Variants in CEACAM19 observed in about 807,000 individuals in gnomAD.
CEACAM19 encodes cell adhesion molecule CEACAM19.
A neutral mutation model predicts 37.6 loss-of-function variants in CEACAM19; 37 were observed. That is an observed-to-expected ratio of 0.98 (90% CI 0.76 to 1.29). The LOEUF (loss-of-function observed/expected upper bound fraction) is 1.29, where lower values mean the gene tolerates loss of function less well. Ranked by LOEUF, CEACAM19 falls within the 50% of genes most tolerant of loss-of-function variation. CEACAM19 has a pLI of 0.00. For missense variants in CEACAM19, 340 were observed against 375.6 expected, an observed-to-expected ratio of 0.91 and a Z score of 0.78; for synonymous variants, 140 against 149.8, an observed-to-expected ratio of 0.93 and a Z score of 0.48.
intron 3 of CEACAM19, 82 bp from the exon 4 acceptor site, chr19:44,678,771 C>A: frequency 1.3e-6 from 2 of 1,556,904 alleles, no homozygotes; most frequent in Non-Finnish European, 8.7e-7. Flanking sequence ...CTCCATTTTC[C>A]TTCATAGGGA....
chr19:44,672,673 A>G lies in CEACAM19; in HGVS notation c.133A>G (p.Lys45Glu). 6.5e-7 allele frequency: 1 copy of G among 1,540,872 alleles called. No homozygotes were observed. Among genetic ancestry groups the G allele is most frequent in the Non-Finnish European group, 8.8e-7 (1 of 1,142,480 alleles). ...CCAGAAGATTCCAGAGCAGCCTCAA[A>G]AGAACCAGGACCTTCTCCTGTCAGT... Reference protein sequence around the residue: ...YIQKIPEQPQKNQDLLLSVQG... With the variant: ...YIQKIPEQPQENQDLLLSVQG... Residue 45 changes from lysine (K) to glutamate (E), a missense_variant, in exon 2 of 8, where the codon AAG becomes GAG. Transcript: ENST00000358777.
rs766167174 is a variant in CEACAM19, at chr19:44,682,549, C to G, written c.793-18C>G. On this transcript the variant is annotated intron_variant, in intron 6 of 7. Coordinates refer to ENST00000358777, the MANE Select transcript of CEACAM19 (RefSeq NM_001127893.3). Reference sequence around the variant, plus strand: ...GGGGGGTGCCGAGCGCCCACTCACCCGTGTCCTTCCCTTGCAGCCCCTGCC... The same window carrying G: ...GGGGGGTGCCGAGCGCCCACTCACCGGTGTCCTTCCCTTGCAGCCCCTGCC... 1.9e-6 allele frequency: 3 copies of G among 1,590,216 alleles called. No individual in the cohort carries two copies. The highest frequency in any genetic ancestry group is 2.6e-6 in the Non-Finnish European group (3 of 1,168,296).
intron 2 of CEACAM19, among the ~76,000 whole-genome samples, chr19:44,674,682 C>T (rs775572798): frequency 1.3e-5 from 2 of 152,168 alleles, no homozygotes; most frequent in Non-Finnish European, 2.9e-5. Flanking sequence ...GGATTACAGG[C>T]GTGAGCCACC....
intron 6 of CEACAM19, among the ~76,000 whole-genome samples, chr19:44,682,144 G>A (rs759810314): frequency 6.6e-6 from 1 of 152,186 alleles, no homozygotes; most frequent in Non-Finnish European, 1.5e-5. Flanking sequence ...CAGCTACCAG[G>A]GAGGCTGAGG....
intron 1 of CEACAM19, 47 bp downstream of exon 1, chr19:44,672,033 C>T: frequency 1.3e-6 from 2 of 1,484,094 alleles, no homozygotes; most frequent in Middle Eastern, 2.0e-4. Context: ...AATGGGGACT[C>T]AGCCCAGAGA....
chr19:44,675,276 G>A (rs1385057213), intron 2 of CEACAM19, among the ~76,000 whole-genome samples: 1 of 152,144 alleles, frequency 6.6e-6, no homozygotes, highest in Admixed American at 6.5e-5. Flanking sequence ...CATAGTCTAT[G>A]AGCTTAGCTG....
chr19:44,668,358 TATA>T (rs1440807170), upstream of CEACAM19, among the ~76,000 whole-genome samples: 1 of 12,642 alleles, frequency 7.9e-5, no homozygotes, highest in African/African-American at 1.5e-4. Context: ...AATATATTTA[TATA>T]ATATGTTTAT....
chr19:44,675,403 A>G (rs1973929987), intron 2 of CEACAM19, among the ~76,000 whole-genome samples: 1 of 152,004 alleles, frequency 6.6e-6, no homozygotes, highest in Non-Finnish European at 1.5e-5. Context: ...AGAATCCTCC[A>G]AGTCCCCTAC....
At chr19:44,672,301 G>C (rs1028903293) in intron 1 of CEACAM19, among the ~76,000 whole-genome samples, 1 of 152,084 alleles carries the variant, frequency 6.6e-6, no homozygotes, top group African/African-American at 2.4e-5. Flanking sequence ...TATAAGTATT[G>C]GTTGAATAAA....
At chr19:44,674,856 T>G (rs1349320194) in intron 2 of CEACAM19, among the ~76,000 whole-genome samples, 4 of 152,232 alleles carry the variant, frequency 2.6e-5, no homozygotes, top group African/African-American at 9.6e-5. Flanking sequence ...ATAACAGTCC[T>G]TACTTCACTT....
At chr19:44,667,728 AT>A (rs1164271538), upstream of CEACAM19, among the ~76,000 whole-genome samples, 3 of 73,212 alleles carry the variant, frequency 4.1e-5, no homozygotes, top group African/African-American at 6.9e-5. Context: ...TAAATTATAT[AT>A]TTATATATAT....
At chr19:44,674,398 G>C (rs971315866) in intron 2 of CEACAM19, among the ~76,000 whole-genome samples, 2 of 151,530 alleles carry the variant, frequency 1.3e-5, no homozygotes, top group Admixed American at 1.3e-4. Flanking sequence ...TCAAACTCCT[G>C]GCCTCAAGCA....
chr19:44,668,115 ATAT>A (rs1456270834), upstream of CEACAM19, among the ~76,000 whole-genome samples: 1,060 of 83,476 alleles, frequency 0.013, 12 homozygotes, highest in Non-Finnish European at 0.017. Flanking sequence ...ATTTTATATA[ATAT>A]GTTATATATT....
chr19:44,680,313 T>C lies in CEACAM19; in HGVS notation c.685T>C (p.Leu229=). 1 of 1,610,796 alleles carries C rather than the reference T, an allele frequency of 6.2e-7. No homozygotes were observed. The highest frequency in any genetic ancestry group is 8.5e-7 in the Non-Finnish European group (1 of 1,179,460). ...TWMATTEKPE[L]GPAHDAGDNN... is the part of the protein sequence containing the mutation. The stretch of plus-strand genomic sequence containing the variant: ...GATGGCGACCACAGAGAAGCCAGAA[T>C]TGGGCCCTGCTCATGATGCTGGTAA... The change falls in exon 5 of 8, where the codon TTG becomes CTG. Residue 229 remains leucine (L), a synonymous_variant. Transcript: ENST00000358777.
At chr19:44,670,951 C>T (rs1204760261), upstream of CEACAM19, among the ~76,000 whole-genome samples, 6 of 151,928 alleles carry the variant, frequency 3.9e-5, no homozygotes, top group East Asian at 5.9e-4. Flanking sequence ...CAAAAGTAGC[C>T]GGGCGTGGTG....
chr19:44,679,048 A>C (rs1974006379), intron 4 of CEACAM19, 112 bp downstream of exon 4: 1 of 1,498,112 alleles, frequency 6.7e-7, no homozygotes, highest in Non-Finnish European at 9.0e-7. Flanking sequence ...GTTGGGGTGC[A>C]GTGGTGCGAT....
rs1568518237 is a variant in CEACAM19 at position 44,681,234 on chromosome 19, C to T, written c.714C>T (p.Asn238=). The stretch of plus-strand genomic sequence containing the variant: ...CCCTGGCCTCTGTTTCAGGTGACAA[C>T]AACATCTATGAAGTGATGCCCTCTC... The part of the protein sequence containing the change: ...ELGPAHDAGD[N]NIYEVMPSPV... The change falls in exon 6 of 8, where the codon AAC becomes AAT. Residue 238 remains asparagine (N), a synonymous_variant. Transcript: ENST00000358777. The T allele has an allele frequency of 1.2e-6, 2 of 1,613,812 alleles. No individual in the cohort carries two copies. Among genetic ancestry groups the T allele is most frequent in the Non-Finnish European group, 1.7e-6 (2 of 1,179,804 alleles).
chr19:44,681,372 G>A, intron 6 of CEACAM19, 60 bp downstream of exon 6: 1 of 1,129,344 alleles, frequency 8.9e-7, no homozygotes. Flanking sequence ...TCCTCTCTGA[G>A]CTGGCTGTGG....
In CEACAM19 at chr19:44,671,750, T is replaced by A; in HGVS notation, c.-182T>A. On this transcript the variant is annotated 5_prime_UTR_variant, in exon 1 of 8. Transcript: ENST00000358777. ...CTGTCTGTGCTCCCATCCCAGGGAG[T>A]ATAGGTGGAGCCTCCAGAGCCCATG... The A allele has an allele frequency of 1.8e-6, 1 of 549,798 alleles. No homozygotes were observed. Among genetic ancestry groups the A allele is most frequent in the Non-Finnish European group, 3.3e-6 (1 of 306,580 alleles). The allele number at this position is 549,798 out of a possible 1,614,324, so 34.1% of individuals were successfully genotyped here.
Sources: gnomAD v4.1 joint callset for allele counts (sites outside exome capture counted in the v4.1 genomes callset) on GRCh38, gnomAD v4.1.1 for gene constraint, MANE v1.5 for transcripts, NCBI Gene and HGNC (gene_info 2026-07-23, HGNC 2026-07-21) for gene names.